AP2B1: variants seen among roughly 807,000 people sequenced by gnomAD.
The protein encoded by AP2B1 is adaptor related protein complex 2 subunit beta 1.
Under a neutral mutation model 102.0 loss-of-function variants are expected in AP2B1, and 23 were observed. The observed-to-expected ratio is 0.23, with a 90% CI of 0.16 to 0.32. The LOEUF (loss-of-function observed/expected upper bound fraction) is 0.32, where lower values mean the gene tolerates loss of function less well. Ranked by LOEUF, AP2B1 falls within the 10% of genes least tolerant of loss-of-function variation. The probability of loss-of-function intolerance (pLI) is 1.00; values close to 1 mark genes in which losing one functional copy is unlikely to be tolerated. For missense variants in AP2B1, 541 were observed against 1,157.4 expected (o/e 0.47, Z 7.73); for synonymous variants, 381 against 421.2 (o/e 0.90, Z 1.17).
intron 12 of AP2B1, among the ~76,000 whole-genome samples, chr17:35,648,591 A>G (rs1447743375): frequency 1.3e-5 from 2 of 152,168 alleles, no homozygotes; most frequent in African/African-American, 4.8e-5. Context: ...GTAGAAAGGG[A>G]AAAATGGGCA....
chr17:35,712,465 A>G (rs1241223456), intron 20 of AP2B1, among the ~76,000 whole-genome samples: 1 of 151,994 alleles, frequency 6.6e-6, no homozygotes, highest in Non-Finnish European at 1.5e-5. Context: ...TGTCTCTACT[A>G]AAAATACAAA....
At chr17:35,610,438 C>T (rs1258508887) in intron 5 of AP2B1, among the ~76,000 whole-genome samples, 6 of 151,946 alleles carry the variant, frequency 3.9e-5, no homozygotes, top group Admixed American at 6.6e-5. Context: ...TGAGCCATCA[C>T]ACCCAGCCCC....
intron 21 of AP2B1, among the ~76,000 whole-genome samples, chr17:35,722,972 G>T (rs193205782): frequency 6.6e-6 from 1 of 152,296 alleles, no homozygotes; most frequent in Admixed American, 6.5e-5. Flanking sequence ...GGTGGTGGTA[G>T]AGGGGTATCA....
Position 35,626,819 on chromosome 17 carries a change from C to T in AP2B1, c.915C>T (p.Asn305=), listed in dbSNP as rs900382186. 1.1e-5 allele frequency: 17 copies of T among 1,613,834 alleles called. No individual in the cohort carries two copies. The African/African-American group carries it at 2.3e-4, about 22-fold the overall frequency. Residue 305 remains asparagine, a synonymous_variant, in exon 7 of 22, where the codon AAC becomes AAT. Coordinates refer to ENST00000610402, the MANE Select transcript of AP2B1 (RefSeq NM_001030006.2). ...AAGTGCAGTATGTCGCCCTGAGGAACATCAACTTAATTGTCCAGAAAAGGT... is the reference window on the plus strand; with the variant it reads ...AAGTGCAGTATGTCGCCCTGAGGAATATCAACTTAATTGTCCAGAAAAGGT... ...EPEVQYVALR[N]INLIVQKRPE...
intron 6 of AP2B1, among the ~76,000 whole-genome samples, chr17:35,625,870 G>A (rs2074300179): frequency 6.6e-6 from 1 of 152,118 alleles, no homozygotes; most frequent in South Asian, 2.1e-4. Context: ...GAGGAAGAGA[G>A]AAGTACAGCC....
chr17:35,694,362 G>T (rs2076097712), intron 18 of AP2B1, among the ~76,000 whole-genome samples: 1 of 148,140 alleles, frequency 6.8e-6, no homozygotes, highest in Admixed American at 6.7e-5. Flanking sequence ...TCCCACCTTA[G>T]CCTCCCAAGT....
At chr17:35,597,598 G>A (rs761971603) in intron 2 of AP2B1, among the ~76,000 whole-genome samples, 25 of 152,370 alleles carry the variant, frequency 1.6e-4, no homozygotes, top group Non-Finnish European at 1.6e-4. Flanking sequence ...GTGTGCGTTA[G>A]AGTCACTTGG....
chr17:35,649,378 C>T (rs2075028012), intron 12 of AP2B1, among the ~76,000 whole-genome samples: 1 of 152,116 alleles, frequency 6.6e-6, no homozygotes, highest in Non-Finnish European at 1.5e-5. Flanking sequence ...GAGTGATTCT[C>T]CTACCTCAGC....
At chr17:35,713,340 A>G (rs1481793369) in intron 20 of AP2B1, among the ~76,000 whole-genome samples, 2 of 152,220 alleles carry the variant, frequency 1.3e-5, no homozygotes, top group Non-Finnish European at 2.9e-5. Flanking sequence ...CCAGGAGTCC[A>G]AGGCCAACAT....
At chr17:35,722,066 C>T (rs1555593338) in intron 21 of AP2B1, among the ~76,000 whole-genome samples, 1 of 152,074 alleles carries the variant, frequency 6.6e-6, no homozygotes, top group Non-Finnish European at 1.5e-5. Context: ...CATGGCAAAA[C>T]CCCTTCTCTA....
chr17:35,669,900 G>A (rs1287978819), intron 14 of AP2B1, among the ~76,000 whole-genome samples: 1 of 152,212 alleles, frequency 6.6e-6, no homozygotes, highest in Non-Finnish European at 1.5e-5. Flanking sequence ...AGAAACAACT[G>A]TGGAACTGTA....
At chr17:35,665,339 T>C (rs1567938494) in intron 14 of AP2B1, among the ~76,000 whole-genome samples, 1 of 152,048 alleles carries the variant, frequency 6.6e-6, no homozygotes, top group African/African-American at 2.4e-5. Context: ...TTATTCAGGC[T>C]GGTCTTGAGC....
At chr17:35,595,941 C>G (rs562017895) in intron 2 of AP2B1, among the ~76,000 whole-genome samples, 1 of 152,036 alleles carries the variant, frequency 6.6e-6, no homozygotes, top group East Asian at 1.9e-4. Flanking sequence ...TTAAAACTCT[C>G]CTAATTCTTC....
At chr17:35,667,842 C>T (rs1409683565) in intron 14 of AP2B1, among the ~76,000 whole-genome samples, 1 of 151,980 alleles carries the variant, frequency 6.6e-6, no homozygotes, top group Non-Finnish European at 1.5e-5. Context: ...AGGGGGTAAG[C>T]CCATCAGAAA....
At chr17:35,674,423 G>T in intron 17 of AP2B1, 102 bp downstream of exon 17, 1 of 1,395,100 alleles carries the variant, frequency 7.2e-7, no homozygotes, top group Non-Finnish European at 9.9e-7. Flanking sequence ...CACATATTGG[G>T]CCAGGTACAG....
chr17:35,654,321 C>T (rs2075165378), intron 13 of AP2B1, among the ~76,000 whole-genome samples: 1 of 152,142 alleles, frequency 6.6e-6, no homozygotes, highest in South Asian at 2.1e-4. Flanking sequence ...ACCTTGGCCT[C>T]CCAAAGTGCT....
chr17:35,627,554 C>G (rs376535470), intron 8 of AP2B1, 49 bp downstream of exon 8: 1 of 1,613,098 alleles, frequency 6.2e-7, no homozygotes, highest in Non-Finnish European at 8.5e-7. Flanking sequence ...CTCTTAAGGT[C>G]TGGCCTTTAA....
intron 9 of AP2B1, 100 bp downstream of exon 9, chr17:35,627,826 GCA>G: frequency 6.0e-6 from 6 of 994,530 alleles, no homozygotes; most frequent in Non-Finnish European, 7.3e-6. Context: ...AAATAATAAA[GCA>G]CACAGTTTCA....
intron 3 of AP2B1, among the ~76,000 whole-genome samples, chr17:35,604,995 C>A (rs2073619075): frequency 1.3e-5 from 2 of 152,136 alleles, no homozygotes; most frequent in African/African-American, 4.8e-5. Context: ...GTGATCATGG[C>A]TCACTGCAGT....
Sources: allele counts gnomAD v4.1 joint callset (sites outside exome capture counted in the v4.1 genomes callset), GRCh38; gene constraint gnomAD v4.1.1; transcripts MANE v1.5; gene names NCBI Gene and HGNC (gene_info 2026-07-23, HGNC 2026-07-21).